The following ATP6V0D2 variants were observed in gnomAD, a reference collection of about 807,000 sequenced individuals.
The protein encoded by ATP6V0D2 is ATPase H+ transporting V0 subunit d2.
Under a neutral mutation model 40.0 loss-of-function variants are expected in ATP6V0D2, and 40 were observed. The observed-to-expected ratio is 1.00, with a 90% CI of 0.78 to 1.30. The LOEUF is 1.30. Among genes scored for constraint, ATP6V0D2 ranks in the 50% most tolerant of loss-of-function variants. ATP6V0D2 has a pLI of 0.00. For synonymous variants in ATP6V0D2, 179 were observed against 156.3 expected (o/e 1.15, Z -1.08); for missense variants, 470 against 423.1 (o/e 1.11, Z -0.97).
In ATP6V0D2 at chr8:86,119,786, T is replaced by C. The variant is rs137869912; in HGVS notation, c.302+5906T>C. ...GTGGTTTTGGTAGTATCAGTATTGT[T>C]ACTAAAGGATATATTTTAATTTATC... is the stretch of plus-strand genomic sequence containing the variant. On this transcript the variant is annotated intron_variant, in intron 2 of 7. Coordinates refer to ENST00000285393, the MANE Select transcript of ATP6V0D2 (RefSeq NM_152565.1). 8.3e-4 allele frequency among the ~76,000 whole-genome samples: 127 copies of C among 152,298 alleles called. 1 individual carries two copies. The highest frequency in any genetic ancestry group is 3.0e-3 in the African/African-American group (125 of 41,564).
chr8:86,138,815 C>G (rs1290565661), intron 2 of ATP6V0D2, among the ~76,000 whole-genome samples: 1 of 152,196 alleles, frequency 6.6e-6, no homozygotes, highest in Non-Finnish European at 1.5e-5. Flanking sequence ...ATAAACCAAA[C>G]AAGTTCACAC....
chr8:86,120,801 T>C (rs918880691), intron 2 of ATP6V0D2, among the ~76,000 whole-genome samples: 3 of 152,198 alleles, frequency 2.0e-5, no homozygotes, highest in Non-Finnish European at 4.4e-5. Context: ...GTAAGAGACA[T>C]GGAAGGGATT....
At chr8:86,125,726 T>A (rs1217489481) in intron 2 of ATP6V0D2, among the ~76,000 whole-genome samples, 1 of 152,116 alleles carries the variant, frequency 6.6e-6, no homozygotes, top group Non-Finnish European at 1.5e-5. Context: ...TGAAAAATGT[T>A]TTTTTATATG....
rs767761169 is a variant in ATP6V0D2 at position 86,118,026 on chromosome 8, CTT to C, written c.302+4154_302+4155del. Among the ~76,000 whole-genome samples the C allele has an allele frequency of 4.6e-5, 5 of 108,542 alleles. No individual in the cohort carries two copies. The East Asian group carries it at 1.5e-3, about 32-fold the overall frequency. 71.2% of individuals were successfully genotyped at this position (108,542 alleles called of 152,430 possible). A position where few individuals can be genotyped will look rare whatever the true frequency, so the allele number is the denominator to read the frequency against. ...GTTTTCTTTCTTTCTTTCTTTCTTT[CTT>C]TTTTTTTCTTTCTTTCTTCTTTCTT... is the stretch of plus-strand genomic sequence containing the variant. On this transcript the variant is annotated intron_variant, in intron 2 of 7. Transcript: ENST00000285393.
intron 5 of ATP6V0D2, among the ~76,000 whole-genome samples, chr8:86,149,028 C>T (rs1318688968): frequency 9.3e-6 from 1 of 107,906 alleles, no homozygotes; most frequent in East Asian, 3.1e-4. Context: ...GCCTGGATGA[C>T]AGAGTGAGAC....
chr8:86,109,279 T>C (rs1046349856), intron 1 of ATP6V0D2, among the ~76,000 whole-genome samples: 3 of 152,296 alleles, frequency 2.0e-5, no homozygotes, highest in Admixed American at 6.5e-5. Context: ...CCTATTTAGA[T>C]AAGCATTTAG....
intron 4 of ATP6V0D2, 37 bp from the exon 5 acceptor site, chr8:86,142,840 T>C (rs1326249393): frequency 2.3e-6 from 3 of 1,315,984 alleles, no homozygotes; most frequent in Admixed American, 3.6e-5. Flanking sequence ...GGAATATATA[T>C]TCATTATATC....
chr8:86,099,936 GA>G lies in ATP6V0D2; in HGVS notation c.130+834del, dbSNP rs749895343. Among the ~76,000 whole-genome samples, 282 of 151,468 alleles carry G rather than the reference GA, an allele frequency of 1.9e-3. 3 individuals are homozygous for G. The highest frequency in any genetic ancestry group is 2.3e-3 in the Non-Finnish European group (158 of 67,874). On this transcript the variant is annotated intron_variant, in intron 1 of 7. Coordinates refer to ENST00000285393, the MANE Select transcript of ATP6V0D2 (RefSeq NM_152565.1). Reference sequence around the variant, plus strand: ...AAACTGCCAAGGGATCTATGACAAAGAAAAAATATATATATTTAAAACCTTG... The same window carrying G: ...AAACTGCCAAGGGATCTATGACAAAGAAAAATATATATATTTAAAACCTTG...
At chr8:86,125,512 A>G (rs1818728463) in intron 2 of ATP6V0D2, among the ~76,000 whole-genome samples, 2 of 152,206 alleles carry the variant, frequency 1.3e-5, no homozygotes, top group Admixed American at 1.3e-4. Flanking sequence ...TGTGCTCACT[A>G]CACAAGTTAG....
chr8:86,106,460 C>T (rs1054727312), intron 1 of ATP6V0D2, among the ~76,000 whole-genome samples: 2 of 152,188 alleles, frequency 1.3e-5, no homozygotes, highest in African/African-American at 4.8e-5. Flanking sequence ...ATGGTATCTC[C>T]GTGGCCTAAC....
At chr8:86,132,032 A>G (rs1586096650) in intron 2 of ATP6V0D2, among the ~76,000 whole-genome samples, 1 of 152,172 alleles carries the variant, frequency 6.6e-6, no homozygotes, top group East Asian at 1.9e-4. Context: ...AAACTACCTA[A>G]GAGTACTTGA....
chr8:86,118,633 T>C (rs1483778), intron 2 of ATP6V0D2, among the ~76,000 whole-genome samples: 18,026 of 152,120 alleles, frequency 0.12, 1,411 homozygotes, highest in East Asian at 0.32. Context: ...CTGCAAGCAG[T>C]GGTGCCTCCT....
chr8:86,135,256 T>A lies in ATP6V0D2; in HGVS notation c.303-4201T>A, dbSNP rs1818881813. Among the ~76,000 whole-genome samples the A allele has an allele frequency of 2.0e-5, 3 of 152,248 alleles. No homozygotes were observed. The South Asian group carries it at 6.2e-4, about 32-fold the overall frequency. On this transcript the variant is annotated intron_variant, in intron 2 of 7. Coordinates refer to ENST00000285393, the MANE Select transcript of ATP6V0D2 (RefSeq NM_152565.1). ...TACCAAATTATGGCTCTATAATATT[T>A]GACCTCTTAGCAACTGTTATAGCAG...
chr8:86,148,775 T>G (rs909518755), intron 5 of ATP6V0D2, among the ~76,000 whole-genome samples: 1 of 152,054 alleles, frequency 6.6e-6, no homozygotes, highest in African/African-American at 2.4e-5. Flanking sequence ...CACTGGCTAT[T>G]CAAAAATGAA....
chr8:86,125,194 G>A (rs985935016), intron 2 of ATP6V0D2, among the ~76,000 whole-genome samples: 16 of 152,126 alleles, frequency 1.1e-4, no homozygotes, highest in African/African-American at 1.2e-4. Flanking sequence ...GGATGCCATC[G>A]CTACAACAAC....
intron 3 of ATP6V0D2, 121 bp downstream of exon 3, chr8:86,139,756 T>G: frequency 9.1e-7 from 1 of 1,094,308 alleles, no homozygotes; most frequent in African/African-American, 1.6e-5. Flanking sequence ...ACAATTTTTT[T>G]CCATGAATAC....
intron 6 of ATP6V0D2, among the ~76,000 whole-genome samples, chr8:86,150,645 CT>C (rs1477007995): frequency 6.6e-6 from 1 of 152,076 alleles, no homozygotes; most frequent in Non-Finnish European, 1.5e-5. Context: ...CCCAGCAGCC[CT>C]TTCAGGTACC....
chr8:86,145,602 T>C (rs931516439), intron 5 of ATP6V0D2, among the ~76,000 whole-genome samples: 3 of 152,076 alleles, frequency 2.0e-5, no homozygotes, highest in African/African-American at 7.2e-5. Flanking sequence ...GAATGAAAAA[T>C]AGTCTCTCTC....
intron 5 of ATP6V0D2, among the ~76,000 whole-genome samples, chr8:86,145,259 A>AGAG (rs1563566192): frequency 4.1e-5 from 2 of 49,344 alleles, no homozygotes; most frequent in African/African-American, 1.2e-4. Context: ...GAGAGAGAGA[A>AGAG]AGAAAGAAAG....
Sources: allele counts gnomAD v4.1 joint callset (sites outside exome capture counted in the v4.1 genomes callset), GRCh38; gene constraint gnomAD v4.1.1; transcripts MANE v1.5; gene names NCBI Gene and HGNC (gene_info 2026-07-23, HGNC 2026-07-21).